Variants in CCDC60 observed in about 807,000 individuals in gnomAD.
CCDC60 encodes the protein coiled-coil domain-containing protein 60.
In CCDC60, 54 loss-of-function variants were observed where a neutral mutation model predicts 63.5. That is an observed-to-expected ratio of 0.85 (90% CI 0.68 to 1.07). CCDC60 has a LOEUF of 1.07. CCDC60 is among the 50% of genes least tolerant of loss of function. The pLI, the probability that CCDC60 is intolerant of heterozygous loss-of-function variation, is 0.00. For synonymous variants in CCDC60, 206 were observed against 238.8 expected (o/e 0.86, Z 1.27); for missense variants, 651 against 684.3 (o/e 0.95, Z 0.54).
chr12:119,353,134 A>G, intron 1 of CCDC60, among the ~76,000 whole-genome samples: 1 of 151,948 alleles, frequency 6.6e-6, no homozygotes, highest in East Asian at 1.9e-4. Context: ...GTCACTCACA[A>G]AACAAAGTGT....
At chr12:119,357,848 A>G (rs892639473) in intron 1 of CCDC60, among the ~76,000 whole-genome samples, 1 of 152,192 alleles carries the variant, frequency 6.6e-6, no homozygotes, top group Non-Finnish European at 1.5e-5. Flanking sequence ...AATAATTTAC[A>G]AAGGAAAGTG....
At chr12:119,399,717 C>T (rs1041571980) in intron 1 of CCDC60, among the ~76,000 whole-genome samples, 2 of 152,208 alleles carry the variant, frequency 1.3e-5, no homozygotes, top group African/African-American at 4.8e-5. Flanking sequence ...TGCCATCAGC[C>T]TGGCTAACCT....
chr12:119,519,870 G>A (rs1359674245), intron 8 of CCDC60, among the ~76,000 whole-genome samples: 1 of 145,376 alleles, frequency 6.9e-6, no homozygotes, highest in East Asian at 2.0e-4. Flanking sequence ...GTGTGTGTGT[G>A]TGTGTGTATA....
chr12:119,449,085 G>A (rs2136278480), intron 2 of CCDC60, among the ~76,000 whole-genome samples: 1 of 152,280 alleles, frequency 6.6e-6, no homozygotes, highest in Admixed American at 6.5e-5. Flanking sequence ...TGGGGGGCAG[G>A]CAGGATGCTG....
intron 1 of CCDC60, among the ~76,000 whole-genome samples, chr12:119,343,213 G>C (rs1325692479): frequency 6.6e-6 from 1 of 152,122 alleles, no homozygotes; most frequent in Non-Finnish European, 1.5e-5. Context: ...AAAATTTCTT[G>C]CGGGGCTCAA....
chr12:119,510,878 T>C (rs1952199384), intron 7 of CCDC60, among the ~76,000 whole-genome samples: 2 of 152,160 alleles, frequency 1.3e-5, no homozygotes, highest in African/African-American at 4.8e-5. Flanking sequence ...TCTACTAAAA[T>C]CTCATTGCCC....
intron 1 of CCDC60, among the ~76,000 whole-genome samples, chr12:119,338,443 G>C (rs1955497456): frequency 6.6e-6 from 1 of 152,126 alleles, no homozygotes; most frequent in African/African-American, 2.4e-5. Context: ...GCTATGAACT[G>C]TTACCTCTTC....
At chr12:119,384,021 C>G (rs35135358) in intron 1 of CCDC60, among the ~76,000 whole-genome samples, 20,884 of 151,948 alleles carry the variant, frequency 0.14, 1,730 homozygotes, top group Non-Finnish European at 0.19. Context: ...ACGGTGAAAC[C>G]CCATCTCTAT....
intron 1 of CCDC60, among the ~76,000 whole-genome samples, chr12:119,423,110 C>T (rs1956842137): frequency 1.3e-5 from 2 of 152,098 alleles, no homozygotes; most frequent in Admixed American, 1.3e-4. Flanking sequence ...GGGAGTTGAT[C>T]TACAAAGATC....
intron 1 of CCDC60, among the ~76,000 whole-genome samples, chr12:119,338,441 C>T (rs1955497396): frequency 6.6e-6 from 1 of 152,168 alleles, no homozygotes; most frequent in Non-Finnish European, 1.5e-5. Context: ...AAGCTATGAA[C>T]TGTTACCTCT....
intron 11 of CCDC60, 81 bp from the exon 12 acceptor site, chr12:119,528,534 G>A: frequency 6.8e-7 from 1 of 1,473,834 alleles, no homozygotes; most frequent in Non-Finnish European, 9.2e-7. Context: ...AGGTGTTTAA[G>A]TCAGATCTCA....
chr12:119,419,822 T>C (rs1315531961), intron 1 of CCDC60, among the ~76,000 whole-genome samples: 1 of 151,496 alleles, frequency 6.6e-6, no homozygotes, highest in Non-Finnish European at 1.5e-5. Context: ...CAAAATTTCC[T>C]ATAAAAGATG....
At chr12:119,342,505 A>T (rs1296500637) in intron 1 of CCDC60, among the ~76,000 whole-genome samples, 1 of 152,152 alleles carries the variant, frequency 6.6e-6, no homozygotes, top group Non-Finnish European at 1.5e-5. Flanking sequence ...AATAATAGGG[A>T]TCCCAAGCCA....
At chr12:119,357,684 C>T (rs1955731925) in intron 1 of CCDC60, among the ~76,000 whole-genome samples, 2 of 152,268 alleles carry the variant, frequency 1.3e-5, no homozygotes, top group South Asian at 4.1e-4. Context: ...AAACTCCCGA[C>T]CTCAGGTGAT....
chr12:119,379,051 C>T (rs182131324), intron 1 of CCDC60, among the ~76,000 whole-genome samples: 3 of 152,328 alleles, frequency 2.0e-5, no homozygotes, highest in African/African-American at 4.8e-5. Flanking sequence ...GCCCCCAGCT[C>T]GGCCTGGCTT....
At chr12:119,378,489 A>T (rs1193331146) in intron 1 of CCDC60, among the ~76,000 whole-genome samples, 2 of 152,178 alleles carry the variant, frequency 1.3e-5, no homozygotes, top group East Asian at 3.9e-4. Context: ...TATCAGCACT[A>T]AACCAAGAAC....
At chr12:119,430,902 T>C (rs1950218221) in intron 2 of CCDC60, among the ~76,000 whole-genome samples, 1 of 152,178 alleles carries the variant, frequency 6.6e-6, no homozygotes, top group Admixed American at 6.5e-5. Context: ...TAAGAGTCAA[T>C]GCTGGGATGT....
intron 5 of CCDC60, among the ~76,000 whole-genome samples, chr12:119,499,625 AC>A (rs915335012): frequency 1.3e-5 from 2 of 152,078 alleles, no homozygotes; most frequent in African/African-American, 4.8e-5. Flanking sequence ...TGTGCAATCC[AC>A]CCCCATCAGC....
At chr12:119,367,826 T>G (rs575122098) in intron 1 of CCDC60, among the ~76,000 whole-genome samples, 51 of 151,942 alleles carry the variant, frequency 3.4e-4, no homozygotes, top group Non-Finnish European at 6.0e-4. Context: ...CAGGGAAATC[T>G]ATAGAGACAG....
Sources: gnomAD v4.1 joint callset for allele counts (sites outside exome capture counted in the v4.1 genomes callset) on GRCh38, gnomAD v4.1.1 for gene constraint, MANE v1.5 for transcripts, NCBI Gene and HGNC (gene_info 2026-07-23, HGNC 2026-07-21) for gene names.